Variants in STK32A observed in about 807,000 individuals in gnomAD.
STK32A encodes serine/threonine-protein kinase 32A.
STK32A carries 41 observed loss-of-function variants against 53.2 expected under a neutral mutation model. That is an observed-to-expected ratio of 0.77 (90% confidence interval 0.60 to 1.00). The LOEUF (loss-of-function observed/expected upper bound fraction) is 1.00, where lower values mean the gene tolerates loss of function less well. STK32A is among the 50% of genes least tolerant of loss of function. The pLI is 0.00. For synonymous variants in STK32A, 166 were observed against 162.8 expected (o/e 1.02, Z -0.15); for missense variants, 458 against 485.8 (o/e 0.94, Z 0.54).
chr5:147,375,488 C>A (rs544898287), intron 11 of STK32A: 22 of 294,804 alleles, frequency 7.5e-5, no homozygotes, highest in South Asian at 2.8e-4. Flanking sequence ...TCAAAATTTA[C>A]AAATTTCCTG....
At chr5:147,353,688 A>C (rs1756090944) in intron 7 of STK32A, among the ~76,000 whole-genome samples, 1 of 152,102 alleles carries the variant, frequency 6.6e-6, no homozygotes, top group Admixed American at 6.6e-5. Context: ...TGAACCTGGG[A>C]GGCGGAGGTT....
chr5:147,290,112 G>A (rs993668979), intron 4 of STK32A, among the ~76,000 whole-genome samples: 3 of 152,056 alleles, frequency 2.0e-5, no homozygotes, highest in Non-Finnish European at 4.4e-5. Context: ...CCATGCTATG[G>A]GGATATCTTG....
chr5:147,283,222 A>C (rs1752149510), intron 4 of STK32A, among the ~76,000 whole-genome samples: 1 of 152,198 alleles, frequency 6.6e-6, no homozygotes, highest in Admixed American at 6.5e-5. Context: ...TCAAGATGAA[A>C]ATTTAAAAAT....
chr5:147,397,639 C>T, the STK32A span: 1 of 1,602,750 alleles, frequency 6.2e-7, no homozygotes, highest in African/African-American at 1.3e-5. Context: ...AGCTCCTGCA[C>T]CACCTCAGAG....
chr5:147,277,069 C>T (rs1352311988), intron 2 of STK32A, among the ~76,000 whole-genome samples: 4 of 152,138 alleles, frequency 2.6e-5, no homozygotes, highest in Non-Finnish European at 5.9e-5. Context: ...ACTTTGAAGG[C>T]ACTCTAGCCA....
chr5:147,393,857 G>A, the STK32A span: 2 of 658,554 alleles, frequency 3.0e-6, no homozygotes, highest in Non-Finnish European at 5.2e-6. Context: ...AGAAAACAAA[G>A]CAATATTCGT....
chr5:147,250,941 CAAAA>C (rs71001422), intron 2 of STK32A, among the ~76,000 whole-genome samples: 2,620 of 101,160 alleles, frequency 0.026, 83 homozygotes, highest in African/African-American at 0.091. Flanking sequence ...GACTCCATCT[CAAAA>C]AAAAAAAAAA....
rs10063939 is a variant in STK32A at position 147,262,010 on chromosome 5, G to A, written c.53-16114G>A. ...GAGAGAAAACTTGAGAGGCATTTGC[G>A]AGGTTAAATGAGAGTGACCGATGCT... is the stretch of plus-strand genomic sequence containing the variant. On this transcript the variant is annotated intron_variant, in intron 2 of 12. Transcript: ENST00000397936. Among the ~76,000 whole-genome samples the A allele has an allele frequency of 5.0e-3, 765 of 152,260 alleles. 6 individuals carry two copies. Among genetic ancestry groups the A allele is most frequent in the African/African-American group, 0.017 (718 of 41,546 alleles).
Position 147,384,603 on chromosome 5 carries a change from A to G in STK32A, c.*620A>G. Reference sequence around the variant, plus strand: ...CAGCTGGCAGGAGCCTGCTGTGCACACCACTTCCCAGCTCCCTCTTCAACA... The same window carrying G: ...CAGCTGGCAGGAGCCTGCTGTGCACGCCACTTCCCAGCTCCCTCTTCAACA... On this transcript the variant is annotated 3_prime_UTR_variant, in exon 13 of 13. Transcript: ENST00000397936. 2.0e-6 allele frequency: 1 copy of G among 508,900 alleles called. No individual in the cohort carries two copies. The highest frequency in any genetic ancestry group is 3.4e-6 in the Non-Finnish European group (1 of 292,938). 31.5% of individuals were successfully genotyped at this position (508,900 alleles called of 1,614,324 possible). A position where few individuals can be genotyped will look rare whatever the true frequency, so the allele number is the denominator to read the frequency against.
chr5:147,323,268 T>C (rs1289938407), intron 4 of STK32A, among the ~76,000 whole-genome samples: 1 of 152,194 alleles, frequency 6.6e-6, no homozygotes, highest in Non-Finnish European at 1.5e-5. Context: ...TTTTCAGTTA[T>C]TACTATGATC....
intron 4 of STK32A, among the ~76,000 whole-genome samples, chr5:147,301,542 T>C (rs1187013152): frequency 3.9e-5 from 6 of 152,214 alleles, no homozygotes; most frequent in Non-Finnish European, 7.3e-5. Context: ...TTTTGTTTTA[T>C]TCTATGTTTT....
chr5:147,290,912 C>T (rs1186646465), intron 4 of STK32A, among the ~76,000 whole-genome samples: 9 of 152,054 alleles, frequency 5.9e-5, no homozygotes, highest in African/African-American at 1.7e-4. Context: ...GAAAAAAAGA[C>T]AAGGCAGTTC....
chr5:147,380,298 A>G (rs1190911886), intron 11 of STK32A, among the ~76,000 whole-genome samples: 1 of 152,138 alleles, frequency 6.6e-6, no homozygotes, highest in Non-Finnish European at 1.5e-5. Context: ...TCAGGATTAC[A>G]AATGCTTCCG....
intron 6 of STK32A, 85 bp from the exon 7 acceptor site, chr5:147,350,980 A>G: frequency 9.0e-7 from 1 of 1,114,968 alleles, no homozygotes; most frequent in Non-Finnish European, 1.4e-6. Flanking sequence ...TTAACAGACT[A>G]ATTGGGTGTT....
intron 2 of STK32A, among the ~76,000 whole-genome samples, chr5:147,277,550 G>A (rs958914275): frequency 2.0e-5 from 3 of 152,130 alleles, no homozygotes; most frequent in Admixed American, 6.5e-5. Flanking sequence ...ACACTTAGAG[G>A]TGTAATATTT....
chr5:147,361,313 G>A (rs1756492922), intron 7 of STK32A, among the ~76,000 whole-genome samples: 1 of 152,206 alleles, frequency 6.6e-6, no homozygotes, highest in African/African-American at 2.4e-5. Context: ...GCCTGTGTGT[G>A]TTGACTGATG....
chr5:147,260,247 TCTCTCTCCTCTCTCTCC>T (rs1754486143), intron 2 of STK32A, among the ~76,000 whole-genome samples: 3 of 135,896 alleles, frequency 2.2e-5, no homozygotes, highest in African/African-American at 8.6e-5. Flanking sequence ...TCTGTCTCTC[TCTCTCTCCTCTCTCTCC>T]CTCTCCCCTC....
intron 5 of STK32A, among the ~76,000 whole-genome samples, chr5:147,329,923 T>G (rs1017241603): frequency 2.1e-4 from 32 of 152,238 alleles, no homozygotes; most frequent in African/African-American, 7.7e-4. Context: ...AGGTAAAAGT[T>G]GCTGTGGAGG....
intron 5 of STK32A, among the ~76,000 whole-genome samples, chr5:147,342,132 G>A (rs571796240): frequency 6.6e-6 from 1 of 152,246 alleles, no homozygotes; most frequent in South Asian, 2.1e-4. Context: ...CATTAGAGAA[G>A]AAATTCTGAA....
Sources: gnomAD v4.1 joint callset for allele counts (sites outside exome capture counted in the v4.1 genomes callset) on GRCh38, gnomAD v4.1.1 for gene constraint, MANE v1.5 for transcripts, NCBI Gene and HGNC (gene_info 2026-07-23, HGNC 2026-07-21) for gene names.